SLCO1B1: variants seen among roughly 807,000 people sequenced by gnomAD.
The protein encoded by SLCO1B1 is OATP-2.
Under a neutral mutation model 70.1 loss-of-function variants are expected in SLCO1B1, and 81 were observed. The ratio of observed to expected loss-of-function variants is 1.16; its 90% CI spans 0.97 to 1.39. The LOEUF (loss-of-function observed/expected upper bound fraction) is 1.39. Ranked by LOEUF, SLCO1B1 falls within the 40% of genes most tolerant of loss-of-function variation. The pLI is 0.00. For missense variants in SLCO1B1, 895 were observed against 799.6 expected, an observed-to-expected ratio of 1.12 and a Z score of -1.44; for synonymous variants, 283 against 271.5, an observed-to-expected ratio of 1.04 and a Z score of -0.42.
At chr12:21,207,309 G>T (rs1243437962) in intron 11 of SLCO1B1, among the ~76,000 whole-genome samples, 2 of 151,864 alleles carry the variant, frequency 1.3e-5, no homozygotes, top group Non-Finnish European at 2.9e-5. Flanking sequence ...CACTCTAGTA[G>T]TCTGTAATAT....
intron 14 of SLCO1B1, among the ~76,000 whole-genome samples, chr12:21,225,112 T>C (rs959256635): frequency 3.3e-5 from 5 of 151,976 alleles, no homozygotes; most frequent in Non-Finnish European, 7.4e-5. Flanking sequence ...TAATAGAAAA[T>C]GGCTAGGATT....
chr12:21,151,492 C>T (rs376992775), intron 2 of SLCO1B1, among the ~76,000 whole-genome samples: 2 of 152,076 alleles, frequency 1.3e-5, no homozygotes, highest in East Asian at 3.8e-4. Flanking sequence ...TTTGTGTCAG[C>T]ATACATAATC....
At position 21,148,695 on chromosome 12, in the gene SLCO1B1, CTTTTT is replaced by C. The variant is rs71043249; in HGVS notation, c.84+7053_84+7057del. Among the ~76,000 whole-genome samples the C allele has an allele frequency of 8.8e-3, 885 of 100,182 alleles. 9 individuals carry two copies. Among genetic ancestry groups the C allele is most frequent in the African/African-American group, 0.031 (832 of 26,662 alleles). The allele number at this position is 100,182 out of a possible 152,430, so 65.7% of individuals were successfully genotyped here. A position where few individuals can be genotyped will look rare whatever the true frequency, so the allele number is the denominator to read the frequency against. ...CTTAGGATTGTCTTGGCTATATGGG[CTTTTT>C]TTTTTTTTTTTTTTTGGTTCCATAT... On this transcript the variant is annotated intron_variant, in intron 2 of 14. Transcript: ENST00000256958.
chr12:21,199,716 TATATC>T (rs1468085439), intron 8 of SLCO1B1, among the ~76,000 whole-genome samples: 5 of 152,130 alleles, frequency 3.3e-5, no homozygotes, highest in Non-Finnish European at 7.4e-5. Context: ...ATATAATACT[TATATC>T]ATTAAGTACT....
At chr12:21,177,100 A>G (rs965327312) in intron 5 of SLCO1B1, among the ~76,000 whole-genome samples, 7 of 152,140 alleles carry the variant, frequency 4.6e-5, no homozygotes, top group Non-Finnish European at 8.8e-5. Context: ...TTTCACTTCT[A>G]TGCAAATTTT....
chr12:21,144,606 T>C (rs367614758), intron 2 of SLCO1B1, among the ~76,000 whole-genome samples: 1 of 151,986 alleles, frequency 6.6e-6, no homozygotes, highest in African/African-American at 2.4e-5. Context: ...ACAAGACACA[T>C]AATCATCAGA....
At position 21,189,948 on chromosome 12, in the gene SLCO1B1, A is replaced by G. The variant is rs565522315; in HGVS notation, c.728-6998A>G. ...GAATAGTCACCCTGCTGCATAATAA[A>G]TCTCTGCAATTTTTTCCTCCTAATT... On this transcript the variant is annotated intron_variant, in intron 7 of 14. Coordinates refer to ENST00000256958, the MANE Select transcript of SLCO1B1 (RefSeq NM_006446.5). Among the ~76,000 whole-genome samples the G allele has an allele frequency of 2.6e-5, 4 of 152,264 alleles. No homozygotes were observed. The South Asian group carries it at 8.3e-4, about 32-fold the overall frequency.
At chr12:21,152,053 G>A (rs1233501801) in intron 2 of SLCO1B1, among the ~76,000 whole-genome samples, 1 of 151,576 alleles carries the variant, frequency 6.6e-6, no homozygotes, top group Non-Finnish European at 1.5e-5. Flanking sequence ...ACAGTTTTTT[G>A]ATACTTTGTT....
chr12:21,145,473 A>ATTTTTTTT (rs35334634), intron 2 of SLCO1B1, among the ~76,000 whole-genome samples: 24 of 76,086 alleles, frequency 3.2e-4, no homozygotes, highest in East Asian at 4.6e-4. Context: ...CATTTTTTTC[A>ATTTTTTTT]TTTTTTTTTT....
At chr12:21,214,726 G>C (rs989404376) in intron 11 of SLCO1B1, among the ~76,000 whole-genome samples, 1 of 152,160 alleles carries the variant, frequency 6.6e-6, no homozygotes, top group African/African-American at 2.4e-5. Context: ...CTCCATGGGC[G>C]TAGGACCCTC....
chr12:21,171,843 G>A (rs768268688), intron 2 of SLCO1B1, among the ~76,000 whole-genome samples: 5 of 152,028 alleles, frequency 3.3e-5, no homozygotes, highest in Non-Finnish European at 7.4e-5. Flanking sequence ...GTAGGGGAGA[G>A]AGAGAGAGAA....
At chr12:21,145,757 T>C (rs1211845623) in intron 2 of SLCO1B1, among the ~76,000 whole-genome samples, 1 of 152,132 alleles carries the variant, frequency 6.6e-6, no homozygotes, top group African/African-American at 2.4e-5. Context: ...CATAAAATGG[T>C]ACTTTGTTTT....
intron 11 of SLCO1B1, among the ~76,000 whole-genome samples, chr12:21,214,214 T>C (rs1434321766): frequency 1.3e-5 from 2 of 152,164 alleles, no homozygotes; most frequent in Non-Finnish European, 2.9e-5. Flanking sequence ...TGGTCTTTGA[T>C]GATGGTGATG....
intron 7 of SLCO1B1, among the ~76,000 whole-genome samples, chr12:21,193,200 C>G (rs1247613683): frequency 6.6e-5 from 10 of 152,096 alleles, no homozygotes; most frequent in Admixed American, 6.6e-4. Flanking sequence ...CTCTATGTGT[C>G]TGTTACGTTC....
chr12:21,143,690 A>G (rs150209172), intron 2 of SLCO1B1, among the ~76,000 whole-genome samples: 128 of 152,196 alleles, frequency 8.4e-4, no homozygotes, highest in Non-Finnish European at 1.4e-3. Flanking sequence ...TCCAAATCCT[A>G]TGCTCTCAAC....
At chr12:21,196,851 A>G in intron 7 of SLCO1B1, 95 bp from the exon 8 acceptor site, 5 of 1,274,582 alleles carry the variant, frequency 3.9e-6, no homozygotes, top group Non-Finnish European at 5.6e-6. Context: ...CTTGGAATTG[A>G]GGAAATGTAG....
Position 21,197,077 on chromosome 12 carries a change from C to T in SLCO1B1, c.859C>T (p.Gln287Ter). Residue 287 changes from glutamine to a stop codon, truncating the protein, a stop_gained, in exon 8 of 15, where the codon CAA (glutamine) becomes TAA (stop). Coordinates refer to ENST00000256958, the MANE Select transcript of SLCO1B1 (RefSeq NM_006446.5). LOFTEE classifies it high-confidence loss of function. Reference protein sequence around the residue: ...FFLPQTPNKPQKERKASLSLH... With the variant: ...FFLPQTPNKP ...CTTGCCCCAAACTCCAAATAAACCA[C>T]AAAAAGAAAGAAAAGCTTCACTGTC... The T allele has an allele frequency of 6.2e-7, 1 of 1,613,286 alleles. No homozygotes were observed. Among genetic ancestry groups the T allele is most frequent in the Non-Finnish European group, 8.5e-7 (1 of 1,179,664 alleles).
intron 1 of SLCO1B1, among the ~76,000 whole-genome samples, chr12:21,131,953 C>T (rs1394729725): frequency 1.3e-5 from 2 of 152,050 alleles, no homozygotes; most frequent in Admixed American, 6.6e-5. Flanking sequence ...CATCATTTAA[C>T]ATTGGGCATA....
intron 11 of SLCO1B1, among the ~76,000 whole-genome samples, chr12:21,213,166 T>A (rs1186339638): frequency 6.6e-6 from 1 of 152,172 alleles, no homozygotes; most frequent in Non-Finnish European, 1.5e-5. Context: ...GTCTTGATGG[T>A]CTTTACATTT....
Sources: allele counts gnomAD v4.1 joint callset (sites outside exome capture counted in the v4.1 genomes callset), GRCh38; gene constraint gnomAD v4.1.1; transcripts MANE v1.5; gene names NCBI Gene and HGNC (gene_info 2026-07-23, HGNC 2026-07-21).